The following GALNT14 variants were observed in gnomAD, a reference collection of about 807,000 sequenced individuals.
GALNT14 encodes UDP-GalNAc:polypeptide N-acetylgalactosaminyltransferase 14.
Under a neutral mutation model 77.5 loss-of-function variants are expected in GALNT14, and 60 were observed. That is an observed-to-expected ratio of 0.77 (90% confidence interval 0.63 to 0.96). The LOEUF (loss-of-function observed/expected upper bound fraction) is 0.96. Ranked by LOEUF, GALNT14 falls within the 40% of genes least tolerant of loss-of-function variation. The pLI, the probability that GALNT14 is intolerant of heterozygous loss-of-function variation, is 0.00. For missense variants in GALNT14, 710 were observed against 731.0 expected (o/e 0.97, Z 0.33); for synonymous variants, 280 against 281.7 (o/e 0.99, Z 0.06).
intron 1 of GALNT14, among the ~76,000 whole-genome samples, chr2:31,099,850 AT>A (rs1677178382): frequency 6.6e-6 from 1 of 151,676 alleles, no homozygotes; most frequent in African/African-American, 2.4e-5. Flanking sequence ...TTTTTTCAGA[AT>A]TTTTCTATTT....
At chr2:30,992,338 G>T (rs560473740) in intron 2 of GALNT14, among the ~76,000 whole-genome samples, 22 of 152,132 alleles carry the variant, frequency 1.4e-4, no homozygotes, top group Non-Finnish European at 3.2e-4. Flanking sequence ...GCAGACAGAA[G>T]AACCAATGGC....
At chr2:30,970,943 G>C (rs766752496) in intron 2 of GALNT14, among the ~76,000 whole-genome samples, 1 of 152,190 alleles carries the variant, frequency 6.6e-6, no homozygotes, top group Non-Finnish European at 1.5e-5. Flanking sequence ...TGGCACACCT[G>C]CTGAGTAACT....
At chr2:31,019,385 A>C (rs1050642326) in intron 1 of GALNT14, among the ~76,000 whole-genome samples, 2 of 152,126 alleles carry the variant, frequency 1.3e-5, no homozygotes, top group African/African-American at 4.8e-5. Context: ...AGAACTGCAG[A>C]GCCTAGTACC....
At chr2:31,023,389 C>A (rs1671848315) in intron 1 of GALNT14, among the ~76,000 whole-genome samples, 1 of 152,066 alleles carries the variant, frequency 6.6e-6, no homozygotes, top group Non-Finnish European at 1.5e-5. Context: ...TGCCTCTTTC[C>A]TTACATTGTC....
At chr2:30,996,268 T>A (rs1046650510) in intron 1 of GALNT14, among the ~76,000 whole-genome samples, 2 of 152,192 alleles carry the variant, frequency 1.3e-5, no homozygotes, top group African/African-American at 4.8e-5. Flanking sequence ...AACTGAGGAA[T>A]AGCAAGGCCG....
chr2:30,920,620 G>T (rs771312492), intron 13 of GALNT14, among the ~76,000 whole-genome samples: 1 of 147,928 alleles, frequency 6.8e-6, no homozygotes, highest in South Asian at 2.2e-4. Flanking sequence ...AGTCCTATGA[G>T]AGTGTATGCT....
downstream of GALNT14, among the ~76,000 whole-genome samples, chr2:30,906,109 G>A (rs1443006793): frequency 6.6e-6 from 1 of 150,808 alleles, no homozygotes; most frequent in Non-Finnish European, 1.5e-5. Flanking sequence ...GCAAAATCAT[G>A]CCAAAATGTA....
At chr2:31,125,301 A>AC in intron 1 of GALNT14, 1 of 1,315,112 alleles carries the variant, frequency 7.6e-7, no homozygotes, top group Non-Finnish European at 1.1e-6. Flanking sequence ...TTCTTTGGCA[A>AC]TTAATAGCAG....
At position 30,938,538 on chromosome 2, in the gene GALNT14, G is replaced by GA. The variant is rs560412549; in HGVS notation, c.931+3662dup. ...CCAATTTTAATGCAAATCAACTTCT[G>GA]AAAAAAAATCTAAAAGCCACATTTC... On this transcript the variant is annotated intron_variant, in intron 9 of 14. Transcript: ENST00000349752. Among the ~76,000 whole-genome samples the GA allele has an allele frequency of 7.1e-4, 108 of 152,042 alleles. 1 individual carries two copies. In the South Asian group the frequency reaches 0.019, roughly 27 times the overall value.
intron 1 of GALNT14, among the ~76,000 whole-genome samples, chr2:31,101,261 T>C (rs188410234): frequency 2.0e-3 from 298 of 152,216 alleles, no homozygotes; most frequent in African/African-American, 5.7e-3. Context: ...TTGATTATGA[T>C]GGATTAGTCT....
Position 30,944,921 on chromosome 2 carries a change from A to G in GALNT14, c.764T>C (p.Phe255Ser). 1 of 1,610,322 alleles carries G rather than the reference A, an allele frequency of 6.2e-7. No individual in the cohort carries two copies. The highest frequency in any genetic ancestry group is 8.5e-7 in the Non-Finnish European group (1 of 1,177,562). The change falls in exon 8 of 15, where the codon TTC becomes TCC. Residue 255 changes from phenylalanine to serine, a missense_variant. Transcript: ENST00000349752. ...CTCTGGGGAGAGCTGCTCCCACTGG[A>G]AGTGGAGGCTCCAGTCAAACCCTAC... ...LRGGFDWSLH[F>S]QWEQLSPEQK...
chr2:31,061,548 C>T (rs1674591830), intron 1 of GALNT14, among the ~76,000 whole-genome samples: 1 of 152,126 alleles, frequency 6.6e-6, no homozygotes, highest in Non-Finnish European at 1.5e-5. Flanking sequence ...TTTCCTAAAA[C>T]TGAACAATGA....
intron 1 of GALNT14, among the ~76,000 whole-genome samples, chr2:31,095,631 A>G (rs1386228782): frequency 6.6e-6 from 1 of 152,092 alleles, no homozygotes; most frequent in African/African-American, 2.4e-5. Context: ...AGAGAGAAGA[A>G]AATTTATTTC....
chr2:31,029,173 G>A (rs886371435), intron 1 of GALNT14, among the ~76,000 whole-genome samples: 1 of 152,166 alleles, frequency 6.6e-6, no homozygotes, highest in Non-Finnish European at 1.5e-5. Context: ...GTGACCGTGA[G>A]CAAGTCATTC....
At chr2:30,907,315 A>C (rs2148187381), downstream of GALNT14, among the ~76,000 whole-genome samples, 1 of 152,314 alleles carries the variant, frequency 6.6e-6, no homozygotes, top group African/African-American at 2.4e-5. Context: ...ACCGCTAGCA[A>C]GACTAATAAA....
chr2:30,897,120 C>G, the GALNT14 span, among the ~76,000 whole-genome samples: 1 of 152,172 alleles, frequency 6.6e-6, no homozygotes, highest in African/African-American at 2.4e-5. Flanking sequence ...ACCTGCCCCC[C>G]ACTTTTTTCC....
At chr2:30,958,883 AGAGC>A (rs1667522923) in intron 3 of GALNT14, among the ~76,000 whole-genome samples, 1 of 152,212 alleles carries the variant, frequency 6.6e-6, no homozygotes, top group Admixed American at 6.5e-5. Context: ...CGTGGTCTCC[AGAGC>A]GAACTTTCTG....
chr2:31,072,910 T>C (rs1675508671), intron 1 of GALNT14, among the ~76,000 whole-genome samples: 1 of 152,214 alleles, frequency 6.6e-6, no homozygotes, highest in Non-Finnish European at 1.5e-5. Flanking sequence ...AAATTGGTTT[T>C]TGCTCTTAAA....
chr2:30,966,174 C>T (rs1276212833), intron 3 of GALNT14, 30 bp downstream of exon 3: 1 of 1,578,562 alleles, frequency 6.3e-7, no homozygotes, highest in Admixed American at 1.7e-5. Flanking sequence ...TGGCCCAGAG[C>T]TGGCCAACAG....
Sources: gnomAD v4.1 joint callset for allele counts (sites outside exome capture counted in the v4.1 genomes callset) on GRCh38, gnomAD v4.1.1 for gene constraint, MANE v1.5 for transcripts, NCBI Gene and HGNC (gene_info 2026-07-23, HGNC 2026-07-21) for gene names.